The following TUBAL3 variants were observed in gnomAD, a reference collection of about 807,000 sequenced individuals.
The protein encoded by TUBAL3 is tubulin alpha chain-like 3.
A neutral mutation model predicts 15.5 loss-of-function variants in TUBAL3; 16 were observed. The ratio of observed to expected loss-of-function variants is 1.04; its 90% CI spans 0.70 to 1.57. The LOEUF (loss-of-function observed/expected upper bound fraction) is 1.57. TUBAL3 is among the 40% of genes most tolerant of loss of function. The probability of loss-of-function intolerance (pLI) is 0.00; values close to 1 mark genes in which losing one functional copy is unlikely to be tolerated. For synonymous variants in TUBAL3, 238 were observed against 224.3 expected (o/e 1.06, Z -0.55); for missense variants, 609 against 576.2 (o/e 1.06, Z -0.58).
chr10:5,395,269 C>A lies in TUBAL3; in HGVS notation c.396+58G>T, dbSNP rs564519617. On this transcript the variant is annotated intron_variant, in intron 3 of 3. Coordinates refer to ENST00000380419, the MANE Select transcript of TUBAL3 (RefSeq NM_024803.3). The surrounding 1 kb of genome is among the most constrained non-coding windows in gnomAD (Gnocchi z 4.6). ...AGCAGATAATGCTTGTGAGTTCTGCCGCAGGACCCCACATGCCCCAGGCAC... is the reference window on the plus strand; with the variant it reads ...AGCAGATAATGCTTGTGAGTTCTGCAGCAGGACCCCACATGCCCCAGGCAC... The A allele has an allele frequency of 2.9e-6, 4 of 1,401,890 alleles. No individual in the cohort carries two copies. The highest frequency in any genetic ancestry group is 2.8e-6 in the Non-Finnish European group (3 of 1,064,862). The allele number at this position is 1,401,890 out of a possible 1,614,324, so 86.8% of individuals were successfully genotyped here.
intron 2 of TUBAL3, among the ~76,000 whole-genome samples, chr10:5,399,161 G>A (rs1299846964): frequency 1.3e-5 from 2 of 152,154 alleles, no homozygotes; most frequent in African/African-American, 4.8e-5. Context: ...ATAAATTGAG[G>A]ATGATAATAA....
At position 5,397,879 on chromosome 10, in the gene TUBAL3, C is replaced by T. The variant is rs1828572252; in HGVS notation, c.248-2404G>A. Among the ~76,000 whole-genome samples, 1 of 152,210 alleles carries T rather than the reference C, an allele frequency of 6.6e-6. No individual in the cohort carries two copies. The highest frequency in any genetic ancestry group is 6.5e-5 in the Admixed American group (1 of 15,272). ...CTGCCCCAGACCATCTTCCCAGACTCATCCCCTGCTTTGAGCTCCTGCTCA... is the reference window on the plus strand; with the variant it reads ...CTGCCCCAGACCATCTTCCCAGACTTATCCCCTGCTTTGAGCTCCTGCTCA... On this transcript the variant is annotated intron_variant, in intron 2 of 3. Transcript: ENST00000380419. This position sits in a 1 kb window ranked among gnomAD's most constrained non-coding sequence, Gnocchi z 4.9.
chr10:5,393,820 G>C lies in TUBAL3; in HGVS notation c.1038C>G (p.His346Gln), dbSNP rs200569900. 3.9e-4 allele frequency: 625 copies of C among 1,614,088 alleles called. 1 individual carries two copies. Among genetic ancestry groups the C allele is most frequent in the Admixed American group, 6.5e-4 (39 of 60,008 alleles). Residue 346 changes from histidine to glutamine, a missense_variant, in exon 4 of 4, where the codon CAC (histidine) becomes CAG (glutamine). His to Gln is a conservative substitution (Grantham distance 24, BLOSUM62 0). Coordinates refer to ENST00000380419, the MANE Select transcript of TUBAL3 (RefSeq NM_024803.3). Reference protein sequence around the residue: ...NAAIAATKSRHSVQFVDWCPT... With the variant: ...NAAIAATKSRQSVQFVDWCPT... ...GACACCAATCTACAAACTGAACAGA[G>C]TGCCTCGACTTCGTGGCTGCGATTG...
chr10:5,404,784 A>G lies in TUBAL3; in HGVS notation c.3+6T>C, dbSNP rs782405963. On this transcript the variant is annotated splice_donor_region_variant and intron_variant, in intron 1 of 3. Transcript: ENST00000380419. ...TACAACAATGCATAGGCGTGTAGTCACTTACCATGCTGATGAGAACGTGCC... is the reference window on the plus strand; with the variant it reads ...TACAACAATGCATAGGCGTGTAGTCGCTTACCATGCTGATGAGAACGTGCC... The G allele has an allele frequency of 1.2e-6, 2 of 1,613,700 alleles. No individual in the cohort carries two copies. Among genetic ancestry groups the G allele is most frequent in the Non-Finnish European group, 1.7e-6 (2 of 1,179,748 alleles).
intron 2 of TUBAL3, among the ~76,000 whole-genome samples, chr10:5,398,047 G>T (rs782312448): frequency 6.6e-6 from 1 of 152,334 alleles, no homozygotes; most frequent in East Asian, 1.9e-4. Context: ...AGCACTTTGG[G>T]AGGCCAAGGT....
At position 5,394,446 on chromosome 10, in the gene TUBAL3, C is replaced by T; in HGVS notation, c.412G>A (p.Gly138Arg). 6.2e-7 allele frequency: 1 copy of T among 1,608,980 alleles called. No homozygotes were observed. Among genetic ancestry groups the T allele is most frequent in the Non-Finnish European group, 8.5e-7 (1 of 1,177,726 alleles). Residue 138 changes from glycine to arginine, a missense_variant, in exon 4 of 4, where the codon GGA becomes AGA. Coordinates refer to ENST00000380419, the MANE Select transcript of TUBAL3 (RefSeq NM_024803.3). The surrounding 1 kb of genome is among the most constrained non-coding windows in gnomAD (Gnocchi z 4.3). ...CGGAAAATCAAAAATCCCTGAAGTC[C>T]ACCACACTGTTCTGCCTGGAGAAAG... ...RTRKLAEQCG[G>R]LQGFLIFRSF...
rs1831748511 is a variant in TUBAL3, at chr10:5,395,403, G to A, written c.320C>T (p.Ala107Val). ...EQLLSGKEDA[A>V]NNYARGRYSV... The stretch of plus-strand genomic sequence containing the variant: ...GTAACGGCCTCGCGCGTAATTGTTA[G>A]CAGCATCCTCCTTTCCGCTAAGGAG... The change falls in exon 3 of 4, where the codon GCT becomes GTT. Residue 107 changes from alanine to valine, a missense_variant. Ala to Val is a moderately conservative substitution (Grantham distance 64, BLOSUM62 0). Coordinates refer to ENST00000380419, the MANE Select transcript of TUBAL3 (RefSeq NM_024803.3). The surrounding 1 kb of genome is among the most constrained non-coding windows in gnomAD (Gnocchi z 4.6). 4 of 1,606,480 alleles carry A rather than the reference G, an allele frequency of 2.5e-6. No homozygotes were observed. The highest frequency in any genetic ancestry group is 2.3e-5 in the East Asian group (1 of 44,216).
chr10:5,404,239 G>GA (rs1461089273), intron 1 of TUBAL3, among the ~76,000 whole-genome samples: 2 of 152,120 alleles, frequency 1.3e-5, no homozygotes, highest in Middle Eastern at 3.2e-3. Flanking sequence ...AACTGGCACA[G>GA]AAAAAAATAA....
At position 5,397,780 on chromosome 10, in the gene TUBAL3, T is replaced by C. The variant is rs1215077398; in HGVS notation, c.248-2305A>G. Among the ~76,000 whole-genome samples, 1 of 152,114 alleles carries C rather than the reference T, an allele frequency of 6.6e-6. No individual in the cohort carries two copies. Among genetic ancestry groups the C allele is most frequent in the Non-Finnish European group, 1.5e-5 (1 of 68,030 alleles). On this transcript the variant is annotated intron_variant, in intron 2 of 3. Transcript: ENST00000380419. This position sits in a 1 kb window ranked among gnomAD's most constrained non-coding sequence, Gnocchi z 4.9. ...CATCATCACTCAGAACTCTCCCACT[T>C]CCAAAATCTTAAACATGCAAATTCC...
chr10:5,402,901 G>A (rs986323676), intron 1 of TUBAL3, among the ~76,000 whole-genome samples: 3 of 152,172 alleles, frequency 2.0e-5, no homozygotes, highest in Non-Finnish European at 4.4e-5. Context: ...GGTTCCTGGT[G>A]CCAAAAAGTT....
rs550864672 is a variant in TUBAL3 at position 5,396,938 on chromosome 10, G to A, written c.248-1463C>T. ...CTTGCCTTCCTCACTAAGCTAGAGA[G>A]AAGTTACTTAGTCAATGATTTTAGC... On this transcript the variant is annotated intron_variant, in intron 2 of 3. Transcript: ENST00000380419. The surrounding 1 kb of genome is among the most constrained non-coding windows in gnomAD (Gnocchi z 5.1). Among the ~76,000 whole-genome samples the A allele has an allele frequency of 7.9e-5, 12 of 152,302 alleles. No homozygotes were observed. Among genetic ancestry groups the A allele is most frequent in the Non-Finnish European group, 1.6e-4 (11 of 68,032 alleles).
chr10:5,393,723 G>T lies in TUBAL3; in HGVS notation c.1135C>A (p.His379Asn). 1 of 1,614,212 alleles carries T rather than the reference G, an allele frequency of 6.2e-7. No homozygotes were observed. Among genetic ancestry groups the T allele is most frequent in the Non-Finnish European group, 8.5e-7 (1 of 1,180,044 alleles). Residue 379 changes from histidine (H) to asparagine (N), a missense_variant, in exon 4 of 4, where the codon CAC becomes AAC. His to Asn is a moderately conservative substitution (Grantham distance 68). Transcript: ENST00000380419. Reference protein sequence around the residue: ...VMPGGDLAKVHRSICMLSNTT... With the variant: ...VMPGGDLAKVNRSICMLSNTT... ...TTGCTCAGCATGCAGATGGACCGGT[G>T]GACTTTGGCCAGGTCCCCACCCGGC... is the stretch of plus-strand genomic sequence containing the variant.
intron 1 of TUBAL3, among the ~76,000 whole-genome samples, chr10:5,402,457 T>G (rs1831869931): frequency 6.6e-6 from 1 of 152,232 alleles, no homozygotes; most frequent in Non-Finnish European, 1.5e-5. Flanking sequence ...CAGGACCCTT[T>G]GGGCTGTTTG....
Position 5,400,832 on chromosome 10 carries a change from C to T in TUBAL3, c.247+12G>A. On this transcript the variant is annotated intron_variant, in intron 2 of 3. Coordinates refer to ENST00000380419, the MANE Select transcript of TUBAL3 (RefSeq NM_024803.3). ...TCCAGTTAAGTATGCTAGAATGGAA[C>T]ATTTATTGTACCTATAACAGTTGGC... The T allele has an allele frequency of 6.2e-7, 1 of 1,613,910 alleles. No individual in the cohort carries two copies. Among genetic ancestry groups the T allele is most frequent in the Non-Finnish European group, 8.5e-7 (1 of 1,179,822 alleles).
In TUBAL3 at chr10:5,400,982, G is replaced by C. The variant is rs1204674715; in HGVS notation, c.109C>G (p.Leu37Val). The C allele has an allele frequency of 6.2e-7, 1 of 1,614,096 alleles. No individual in the cohort carries two copies. The highest frequency in any genetic ancestry group is 8.5e-7 in the Non-Finnish European group (1 of 1,180,038). ...TCCAGCTGATCCTGTTGAGTGTCAAGAACAACGCCATTTGGCTGGATTCCA... is the reference window on the plus strand; with the variant it reads ...TCCAGCTGATCCTGTTGAGTGTCAACAACAACGCCATTTGGCTGGATTCCA... Reference protein sequence around the residue: ...EHGIQPNGVVLDTQQDQLENA... With the variant: ...EHGIQPNGVVVDTQQDQLENA... The change falls in exon 2 of 4, where the codon CTT becomes GTT. Residue 37 changes from leucine (L) to valine (V), a missense_variant. Leu to Val is a conservative substitution (Grantham distance 32). Coordinates refer to ENST00000380419, the MANE Select transcript of TUBAL3 (RefSeq NM_024803.3).
rs1380555899 is a variant in TUBAL3, at chr10:5,395,614, T to G, written c.248-139A>C. On this transcript the variant is annotated intron_variant, in intron 2 of 3. Transcript: ENST00000380419. The surrounding 1 kb of genome is among the most constrained non-coding windows in gnomAD (Gnocchi z 4.6). ...TTGTGGTCCAGGAATGGAATTTAGA[T>G]AGTGCTGAATTAGCCCGTCTTAGTC... is the stretch of plus-strand genomic sequence containing the variant. The G allele has an allele frequency of 2.1e-6, 2 of 956,264 alleles. No homozygotes were observed. Among genetic ancestry groups the G allele is most frequent in the Non-Finnish European group, 2.9e-6 (2 of 693,780 alleles). The allele number at this position is 956,264 out of a possible 1,614,324, so 59.2% of individuals were successfully genotyped here. A position where few individuals can be genotyped will look rare whatever the true frequency, so the allele number is the denominator to read the frequency against.
At chr10:5,403,926 T>A (rs1831894836) in intron 1 of TUBAL3, among the ~76,000 whole-genome samples, 1 of 152,236 alleles carries the variant, frequency 6.6e-6, no homozygotes, top group African/African-American at 2.4e-5. Context: ...CTTTGTAGAT[T>A]GATATGCAGC....
rs1160753154 is a variant in TUBAL3 at position 5,394,290 on chromosome 10, C to T, written c.568G>A (p.Glu190Lys). The T allele has an allele frequency of 1.9e-6, 3 of 1,614,050 alleles. No individual in the cohort carries two copies. Among genetic ancestry groups the T allele is most frequent in the African/African-American group, 2.7e-5 (2 of 74,916 alleles). Residue 190 changes from glutamate (E) to lysine (K), a missense_variant, in exon 4 of 4, where the codon GAG becomes AAG. Physicochemically the swap from Glu to Lys is moderately conservative, Grantham distance 56. Coordinates refer to ENST00000380419, the MANE Select transcript of TUBAL3 (RefSeq NM_024803.3). This position sits in a 1 kb window ranked among gnomAD's most constrained non-coding sequence, Gnocchi z 4.3. ...GTGGTGAGGACAGAGTTATAAGGCT[C>T]TACCACAGCAGTGGAGATCCTGGGG... ...PAPRISTAVV[E>K]PYNSVLTTHS...
At position 5,395,436 on chromosome 10, in the gene TUBAL3, G is replaced by A; in HGVS notation, c.287C>T (p.Pro96Leu). Residue 96 changes from proline (P) to leucine (L), a missense_variant, in exon 3 of 4, where the codon CCC becomes CTC. Transcript: ENST00000380419. The surrounding 1 kb of genome is among the most constrained non-coding windows in gnomAD (Gnocchi z 4.6). The stretch of plus-strand genomic sequence containing the variant: ...CTCCTTTCCGCTAAGGAGCTGCTCG[G>A]GGTGGAAGAGTGAACGGTGCTGGCC... ...RTGQHRSLFH[P>L]EQLLSGKEDA... 2 of 1,600,602 alleles carry A rather than the reference G, an allele frequency of 1.2e-6. No homozygotes were observed. Among genetic ancestry groups the A allele is most frequent in the Non-Finnish European group, 1.7e-6 (2 of 1,171,784 alleles).
Sources: gnomAD v4.1 joint callset for allele counts (sites outside exome capture counted in the v4.1 genomes callset) on GRCh38, gnomAD v4.1.1 for gene constraint, Gnocchi (gnomAD v3.1) non-coding constraint, MANE v1.5 for transcripts, NCBI Gene and HGNC (gene_info 2026-07-23, HGNC 2026-07-21) for gene names.